The following TP53BP2 variants were observed in gnomAD, a reference collection of about 807,000 sequenced individuals.
The protein encoded by TP53BP2 is apoptosis-stimulating of p53 protein 2.
In TP53BP2, 62 loss-of-function variants were observed where a neutral mutation model predicts 126.2. The ratio of observed to expected loss-of-function variants is 0.49; its 90% CI spans 0.40 to 0.61. The LOEUF (loss-of-function observed/expected upper bound fraction) is 0.61, where lower values mean the gene tolerates loss of function less well. Ranked by LOEUF, TP53BP2 falls within the 20% of genes least tolerant of loss-of-function variation. The pLI is 0.00. For synonymous variants in TP53BP2, 485 were observed against 502.9 expected (o/e 0.96, Z 0.48); for missense variants, 1,215 against 1,402.8 (o/e 0.87, Z 2.14).
intron 13 of TP53BP2, among the ~76,000 whole-genome samples, chr1:223,795,418 A>T (rs932612984): frequency 2.0e-4 from 30 of 152,216 alleles, no homozygotes; most frequent in Non-Finnish European, 3.8e-4. Context: ...GAAAATTTTT[A>T]AAAAGATTGA....
intron 3 of TP53BP2, among the ~76,000 whole-genome samples, chr1:223,813,261 C>T (rs1044476681): frequency 7.9e-5 from 12 of 152,222 alleles, no homozygotes; most frequent in Admixed American, 7.9e-4. Context: ...GCTAGCCTCT[C>T]AGTTCTAGCT....
At chr1:223,787,633 T>C (rs995706205) in intron 16 of TP53BP2, among the ~76,000 whole-genome samples, 12 of 152,000 alleles carry the variant, frequency 7.9e-5, no homozygotes, top group South Asian at 4.1e-4. Context: ...TGCCAGCACT[T>C]TGGGAGGCCA....
intron 10 of TP53BP2, 65 bp downstream of exon 10, chr1:223,800,635 A>T: frequency 8.4e-7 from 1 of 1,186,544 alleles, no homozygotes; most frequent in Non-Finnish European, 1.2e-6. Context: ...ACTCTCTAAA[A>T]GAATACACAG....
chr1:223,786,641 C>G (rs548787645), intron 16 of TP53BP2, among the ~76,000 whole-genome samples: 1 of 150,986 alleles, frequency 6.6e-6, no homozygotes, highest in Non-Finnish European at 1.5e-5. Flanking sequence ...GAGTCTCGCT[C>G]TGTTGCCCAG....
Position 223,795,725 on chromosome 1 carries a change from T to C in TP53BP2, c.2724+90A>G. The C allele has an allele frequency of 3.2e-6, 4 of 1,262,680 alleles. No individual in the cohort carries two copies. In the South Asian group the frequency reaches 8.9e-5, roughly 28 times the overall value. The allele number at this position is 1,262,680 out of a possible 1,614,324, so 78.2% of individuals were successfully genotyped here. Reference sequence around the variant, plus strand: ...TGCCAAGGGAATCGTAAAATAAAAATGCAAACTGGAGAAGATGAATGTGAC... The same window carrying C: ...TGCCAAGGGAATCGTAAAATAAAAACGCAAACTGGAGAAGATGAATGTGAC... On this transcript the variant is annotated intron_variant, in intron 13 of 17. Coordinates refer to ENST00000343537, the MANE Select transcript of TP53BP2 (RefSeq NM_001031685.3).
chr1:223,830,389 A>T (rs1424672244), intron 1 of TP53BP2, among the ~76,000 whole-genome samples: 2 of 152,238 alleles, frequency 1.3e-5, no homozygotes, highest in Non-Finnish European at 2.9e-5. Flanking sequence ...GATCCAACAT[A>T]GATGAGGTTG....
At position 223,806,825 on chromosome 1, in the gene TP53BP2, A is replaced by G. The variant is rs79083533; in HGVS notation, c.474+21T>C. On this transcript the variant is annotated intron_variant, in intron 5 of 17. Coordinates refer to ENST00000343537, the MANE Select transcript of TP53BP2 (RefSeq NM_001031685.3). Reference sequence around the variant, plus strand: ...GGCGACAGAGTGAGCATTCATCTCCAAAAAAAAAGGACGATACTACCTTAG... The same window carrying G: ...GGCGACAGAGTGAGCATTCATCTCCGAAAAAAAAGGACGATACTACCTTAG... The G allele has an allele frequency of 8.1e-6, 12 of 1,489,448 alleles. No homozygotes were observed. The African/African-American group carries it at 1.1e-4, about 14-fold the overall frequency. 92.3% of individuals were successfully genotyped at this position (1,489,448 alleles called of 1,614,324 possible).
At chr1:223,825,531 C>T (rs1203062920) in intron 1 of TP53BP2, among the ~76,000 whole-genome samples, 3 of 152,170 alleles carry the variant, frequency 2.0e-5, no homozygotes, top group Non-Finnish European at 4.4e-5. Flanking sequence ...TACTGCTAAA[C>T]GGTATGGCAT....
chr1:223,845,141 T>C, intron 1 of TP53BP2: 2 of 653,916 alleles, frequency 3.1e-6, no homozygotes, highest in Non-Finnish European at 3.8e-6. Context: ...CGAGATTGCA[T>C]TTACCAAAAC....
intron 1 of TP53BP2, among the ~76,000 whole-genome samples, chr1:223,837,472 T>C (rs1294546074): frequency 1.3e-5 from 2 of 152,142 alleles, no homozygotes; most frequent in Non-Finnish European, 2.9e-5. Context: ...CTGGTCTTAC[T>C]TCCAACCCCG....
Position 223,810,441 on chromosome 1 carries a change from T to C in TP53BP2, c.362A>G (p.Lys121Arg). 1 of 1,608,862 alleles carries C rather than the reference T, an allele frequency of 6.2e-7. No individual in the cohort carries two copies. The highest frequency in any genetic ancestry group is 8.5e-7 in the Non-Finnish European group (1 of 1,177,240). The change falls in exon 4 of 18, where the codon AAG becomes AGG. Residue 121 changes from lysine to arginine, a missense_variant. Physicochemically the swap from Lys to Arg is conservative, Grantham distance 26 (BLOSUM62 2). This residue lies in a region of TP53BP2 where 814 missense variants were observed against 853.0 expected (regional missense o/e 0.95). Coordinates refer to ENST00000343537, the MANE Select transcript of TP53BP2 (RefSeq NM_001031685.3). ...AAAACAACAACTTACACCGTTCTCCTTTCTTCGATATTCACCAGGAACTTT... is the reference window on the plus strand; with the variant it reads ...AAAACAACAACTTACACCGTTCTCCCTTCTTCGATATTCACCAGGAACTTT... ...GVKVPGEYRR[K>R]ENGVNSPRMD...
chr1:223,795,404 G>A (rs537147395), intron 13 of TP53BP2, among the ~76,000 whole-genome samples: 1 of 152,264 alleles, frequency 6.6e-6, no homozygotes, highest in South Asian at 2.1e-4. Context: ...AAATTTCACT[G>A]CTAGAAAATT....
chr1:223,840,590 T>G (rs1294582055), intron 1 of TP53BP2, among the ~76,000 whole-genome samples: 1 of 152,192 alleles, frequency 6.6e-6, no homozygotes, highest in Non-Finnish European at 1.5e-5. Flanking sequence ...CAGTGTTAAC[T>G]TCAGAAAGAC....
At chr1:223,840,158 C>T (rs897378573) in intron 1 of TP53BP2, among the ~76,000 whole-genome samples, 24 of 152,094 alleles carry the variant, frequency 1.6e-4, no homozygotes, top group Non-Finnish European at 2.8e-4. Context: ...TTTAGTAAGA[C>T]GGTATGCAAA....
chr1:223,791,078 G>A (rs1169990030), intron 15 of TP53BP2, among the ~76,000 whole-genome samples: 4 of 151,976 alleles, frequency 2.6e-5, no homozygotes, highest in Non-Finnish European at 5.9e-5. Flanking sequence ...AAAAATATAG[G>A]CTTAAAACAT....
intron 1 of TP53BP2, among the ~76,000 whole-genome samples, chr1:223,831,466 TAAAAAAAA>T (rs1157082703): frequency 1.5e-3 from 65 of 43,686 alleles, no homozygotes; most frequent in South Asian, 3.7e-3. Context: ...ATGTACCATC[TAAAAAAAA>T]AAAAAAATAT....
At chr1:223,832,151 A>G (rs1663757225) in intron 1 of TP53BP2, among the ~76,000 whole-genome samples, 1 of 152,220 alleles carries the variant, frequency 6.6e-6, no homozygotes, top group South Asian at 2.1e-4. Context: ...GAAGAAAGGA[A>G]CCAAGAGTAT....
chr1:223,794,994 C>T (rs1488979063), intron 13 of TP53BP2, among the ~76,000 whole-genome samples: 1 of 152,202 alleles, frequency 6.6e-6, no homozygotes, highest in Non-Finnish European at 1.5e-5. Context: ...CAGCATCCTA[C>T]TTCCTTCCGT....
chr1:223,798,720 T>G (rs962940494), intron 11 of TP53BP2, 43 bp from the exon 12 acceptor site: 1 of 1,438,268 alleles, frequency 7.0e-7, no homozygotes, highest in Admixed American at 2.1e-5. Context: ...ACTATATAAC[T>G]GGGTACACAG....
Sources: allele counts gnomAD v4.1 joint callset (sites outside exome capture counted in the v4.1 genomes callset), GRCh38; gene constraint gnomAD v4.1.1; regional missense constraint gnomAD v4.1.1; transcripts MANE v1.5; gene names NCBI Gene and HGNC (gene_info 2026-07-23, HGNC 2026-07-21).